The following KATNAL2 variants were observed in gnomAD, a reference collection of about 807,000 sequenced individuals.
KATNAL2 encodes katanin catalytic subunit A1 like 2, also known as katanin p60 ATPase-containing subunit A-like 2.
In KATNAL2, 52 loss-of-function variants were observed where a neutral mutation model predicts 76.3. The observed-to-expected ratio is 0.68, with a 90% CI of 0.55 to 0.86. The LOEUF (loss-of-function observed/expected upper bound fraction) is 0.86. KATNAL2 is among the 40% of genes least tolerant of loss of function. The pLI is 0.00. For synonymous variants in KATNAL2, 243 were observed against 244.2 expected, an observed-to-expected ratio of 1.00 and a Z score of 0.05; for missense variants, 660 against 668.9, an observed-to-expected ratio of 0.99 and a Z score of 0.15.
chr18:47,075,857 C>G (rs1202867432), intron 14 of KATNAL2, among the ~76,000 whole-genome samples: 5 of 152,236 alleles, frequency 3.3e-5, no homozygotes, highest in African/African-American at 1.2e-4. Flanking sequence ...TATGGCTCAG[C>G]AGGGCTGACT....
At chr18:47,055,374 C>T (rs1009340331) in intron 6 of KATNAL2, among the ~76,000 whole-genome samples, 2 of 152,160 alleles carry the variant, frequency 1.3e-5, no homozygotes, top group African/African-American at 4.8e-5. Context: ...TCACATGCAA[C>T]TTATTAGGCC....
chr18:47,039,297 C>A (rs573053241), intron 3 of KATNAL2, among the ~76,000 whole-genome samples: 12 of 152,242 alleles, frequency 7.9e-5, no homozygotes, highest in Admixed American at 5.2e-4. Context: ...TCAAGATATT[C>A]ACAGAGATAT....
At chr18:46,929,231 T>G (rs527949251) in intron 1 of KATNAL2, among the ~76,000 whole-genome samples, 1 of 151,352 alleles carries the variant, frequency 6.6e-6, no homozygotes, top group Non-Finnish European at 1.5e-5. Context: ...TGTTGCATAT[T>G]TCAATTCTTT....
intron 1 of KATNAL2, among the ~76,000 whole-genome samples, chr18:46,941,062 A>T (rs926476379): frequency 6.6e-6 from 1 of 152,130 alleles, no homozygotes; most frequent in Non-Finnish European, 1.5e-5. Context: ...ATTAAAAAAC[A>T]CTCAGAATCC....
intron 5 of KATNAL2, among the ~76,000 whole-genome samples, 176 bp from the exon 6 acceptor site, chr18:47,054,220 C>G (rs550784978): frequency 6.6e-6 from 1 of 152,332 alleles, no homozygotes; most frequent in Admixed American, 6.5e-5. Flanking sequence ...AGGCCTCTTT[C>G]TCTTCGCTGG....
At chr18:46,958,846 C>G (rs927074660) in intron 3 of KATNAL2, among the ~76,000 whole-genome samples, 7 of 152,158 alleles carry the variant, frequency 4.6e-5, no homozygotes, top group African/African-American at 1.7e-4. Flanking sequence ...TGGAATTGAT[C>G]CACACATTCA....
intron 1 of KATNAL2, among the ~76,000 whole-genome samples, chr18:46,919,033 TGTG>T: frequency 6.7e-6 from 1 of 148,284 alleles, no homozygotes; most frequent in East Asian, 2.0e-4. Context: ...GTGTGTGTGT[TGTG>T]TATATATACA....
intron 15 of KATNAL2, among the ~76,000 whole-genome samples, chr18:47,092,432 G>A (rs2063041065): frequency 6.6e-6 from 1 of 152,188 alleles, no homozygotes; most frequent in African/African-American, 2.4e-5. Flanking sequence ...CTGGGAGGTA[G>A]AGGTTGCAGT....
At chr18:46,948,670 C>T (rs1385168853) in intron 3 of KATNAL2, among the ~76,000 whole-genome samples, 4 of 151,722 alleles carry the variant, frequency 2.6e-5, no homozygotes, top group South Asian at 2.1e-4. Context: ...TCAGGTGATC[C>T]GCCTGCCTTG....
intron 3 of KATNAL2, among the ~76,000 whole-genome samples, chr18:46,957,234 G>C (rs1365154869): frequency 2.0e-5 from 3 of 146,368 alleles, no homozygotes; most frequent in African/African-American, 7.5e-5. Context: ...ATTGAGAAAA[G>C]CAGATTGCCC....
rs1259765808 is a variant in KATNAL2 at position 46,917,698 on chromosome 18, G to T, written c.-738G>T. The T allele has an allele frequency of 2.7e-6, 1 of 376,966 alleles. No individual in the cohort carries two copies. The highest frequency in any genetic ancestry group is 3.7e-6 in the Non-Finnish European group (1 of 272,914). 23.4% of individuals were successfully genotyped at this position (376,966 alleles called of 1,614,324 possible). On this transcript the variant is annotated 5_prime_UTR_variant, in exon 1 of 18. Coordinates refer to ENST00000683218, the MANE Select transcript of KATNAL2 (RefSeq NM_001387690.1). ...CCAGGTCGTGCCTTCCCTCCCCGGC[G>T]GAGGCCCCTGCGGACTGCCTAGAGC...
At chr18:47,032,708 A>G in intron 3 of KATNAL2, 1 of 480,330 alleles carries the variant, frequency 2.1e-6, no homozygotes, top group Non-Finnish European at 3.6e-6. Context: ...CTTTTTCCTT[A>G]TTTATGATTA....
At chr18:47,063,635 G>A (rs910835215) in intron 10 of KATNAL2, among the ~76,000 whole-genome samples, 1 of 152,164 alleles carries the variant, frequency 6.6e-6, no homozygotes, top group South Asian at 2.1e-4. Context: ...ACAGGTGAAA[G>A]GTTTTATAGC....
chr18:46,952,289 G>A (rs2059580174), intron 3 of KATNAL2, among the ~76,000 whole-genome samples: 1 of 151,682 alleles, frequency 6.6e-6, no homozygotes, highest in Non-Finnish European at 1.5e-5. Context: ...TGCACAGGCT[G>A]GTTTCAAACC....
At chr18:46,924,921 T>C (rs2058681478) in intron 1 of KATNAL2, among the ~76,000 whole-genome samples, 1 of 152,218 alleles carries the variant, frequency 6.6e-6, no homozygotes, top group Non-Finnish European at 1.5e-5. Context: ...GCGATTTTTG[T>C]ACATTGATTT....
At chr18:47,066,867 A>G (rs1215046140) in intron 10 of KATNAL2, among the ~76,000 whole-genome samples, 154 bp from the exon 11 acceptor site, 1 of 74,230 alleles carries the variant, frequency 1.3e-5, no homozygotes, top group Admixed American at 1.2e-4. Context: ...ATATATATAT[A>G]TATATATATA....
intron 1 of KATNAL2, among the ~76,000 whole-genome samples, chr18:46,941,934 G>A (rs552781355): frequency 3.7e-4 from 56 of 152,250 alleles, no homozygotes; most frequent in Non-Finnish European, 6.2e-4. Flanking sequence ...GAAGGGGTGC[G>A]CCTGTTGCTG....
intron 15 of KATNAL2, among the ~76,000 whole-genome samples, chr18:47,085,472 C>A (rs1599832498): frequency 6.6e-6 from 1 of 152,148 alleles, no homozygotes; most frequent in Non-Finnish European, 1.5e-5. Context: ...TGAGAGGAGC[C>A]TGAAGTCGTT....
chr18:47,070,097 C>CTTTTT (rs34614350), intron 13 of KATNAL2, among the ~76,000 whole-genome samples: 1 of 134,918 alleles, frequency 7.4e-6, no homozygotes, highest in Admixed American at 7.6e-5. Context: ...TTTTTGCTTT[C>CTTTTT]TTTTTTTTTT....
Sources: allele counts gnomAD v4.1 joint callset (sites outside exome capture counted in the v4.1 genomes callset), GRCh38; gene constraint gnomAD v4.1.1; transcripts MANE v1.5; gene names NCBI Gene and HGNC (gene_info 2026-07-23, HGNC 2026-07-21).